HGSNAT: variants seen among roughly 807,000 people sequenced by gnomAD.
The protein encoded by HGSNAT is transmembrane protein 76.
HGSNAT carries 59 observed loss-of-function variants against 85.2 expected under a neutral mutation model. The ratio of observed to expected loss-of-function variants is 0.69; its 90% CI spans 0.56 to 0.86. The LOEUF is 0.86. Among genes scored for constraint, HGSNAT ranks in the 40% least tolerant of loss-of-function variants. HGSNAT has a pLI of 0.00. For synonymous variants in HGSNAT, 321 were observed against 304.5 expected (o/e 1.05, Z -0.56); for missense variants, 756 against 777.1 (o/e 0.97, Z 0.32).
At chr8:43,176,317 A>G (rs548327349) in intron 9 of HGSNAT, among the ~76,000 whole-genome samples, 1 of 152,202 alleles carries the variant, frequency 6.6e-6, no homozygotes, top group African/African-American at 2.4e-5. Flanking sequence ...CCTTTCTCCA[A>G]TGTGTGTTCT....
chr8:43,159,295 A>T (rs1213337827), intron 4 of HGSNAT, among the ~76,000 whole-genome samples: 2 of 152,172 alleles, frequency 1.3e-5, no homozygotes, highest in African/African-American at 2.4e-5. Context: ...GACATTAAAA[A>T]ATTATTTATT....
intron 9 of HGSNAT, 61 bp from the exon 10 acceptor site, chr8:43,178,013 T>A: frequency 2.3e-6 from 3 of 1,308,322 alleles, no homozygotes; most frequent in Non-Finnish European, 3.3e-6. Context: ...TATAAAATGT[T>A]ACTGATATAT....
At chr8:43,171,566 G>A (rs529447693) in intron 7 of HGSNAT, among the ~76,000 whole-genome samples, 2 of 152,176 alleles carry the variant, frequency 1.3e-5, no homozygotes, top group Admixed American at 1.3e-4. Context: ...GCCAGGGTTT[G>A]ATGGCAGGCA....
chr8:43,196,549 TCTC>T (rs775201892), intron 14 of HGSNAT: 24 of 1,279,038 alleles, frequency 1.9e-5, no homozygotes, highest in Admixed American at 1.1e-4. Context: ...AGGTGCCCCT[TCTC>T]CTCCTTTCCC....
intron 1 of HGSNAT, among the ~76,000 whole-genome samples, chr8:43,141,661 C>G (rs967509356): frequency 6.6e-6 from 1 of 151,936 alleles, no homozygotes; most frequent in African/African-American, 2.4e-5. Flanking sequence ...GGAGTTCAAA[C>G]GACCCCTCCT....
At chr8:43,149,625 G>A (rs925504633) in intron 2 of HGSNAT, among the ~76,000 whole-genome samples, 2 of 151,742 alleles carry the variant, frequency 1.3e-5, no homozygotes, top group African/African-American at 4.8e-5. Flanking sequence ...GCGTGAACCC[G>A]GGAGGCGGAG....
chr8:43,162,973 G>A (rs1767878586), intron 5 of HGSNAT, among the ~76,000 whole-genome samples: 1 of 152,066 alleles, frequency 6.6e-6, no homozygotes, highest in African/African-American at 2.4e-5. Context: ...ATCACTTGAG[G>A]TCAGGAGTTT....
In HGSNAT at chr8:43,199,440, C is replaced by T. The variant is rs374463372; in HGVS notation, c.1779C>T (p.Phe593=). ...GCCACGAGGTGTTTGAGAACTACTT[C>T]CCCTTTCAGTGGAAGCTGAAGGACA... is the stretch of plus-strand genomic sequence containing the variant. ...YVGHEVFENY[F]PFQWKLKDNQ... Residue 593 remains phenylalanine, a synonymous_variant, in exon 18 of 18, where the codon TTC becomes TTT. Coordinates refer to ENST00000379644, the MANE Select transcript of HGSNAT (RefSeq NM_152419.3). The T allele has an allele frequency of 3.0e-5, 49 of 1,610,676 alleles. No individual in the cohort carries two copies. The Admixed American group carries it at 3.5e-4, about 12-fold the overall frequency.
chr8:43,196,113 C>T, intron 14 of HGSNAT: 1 of 282,408 alleles, frequency 3.5e-6, no homozygotes, highest in South Asian at 3.3e-5. Context: ...CCAGCTCTGC[C>T]ACTTCCCAGC....
Position 43,200,182 on chromosome 8 carries a change from TA to T in HGSNAT, c.*614del, listed in dbSNP as rs1804872984. ...CTTTTCCTCTCTCGAAAAGTTAAAATATCTATGTGTTATTCCCAAACCCTCT... is the reference window on the plus strand; with the variant it reads ...CTTTTCCTCTCTCGAAAAGTTAAAATTCTATGTGTTATTCCCAAACCCTCT... On this transcript the variant is annotated 3_prime_UTR_variant, in exon 18 of 18. Coordinates refer to ENST00000379644, the MANE Select transcript of HGSNAT (RefSeq NM_152419.3). 2 of 152,228 alleles carry T rather than the reference TA, an allele frequency of 1.3e-5. No individual in the cohort carries two copies. The highest frequency in any genetic ancestry group is 6.5e-5 in the Admixed American group (1 of 15,286). 9.4% of individuals were successfully genotyped at this position (152,228 alleles called of 1,614,324 possible).
chr8:43,185,259 C>T (rs866691182), intron 11 of HGSNAT, among the ~76,000 whole-genome samples: 11 of 152,332 alleles, frequency 7.2e-5, no homozygotes, highest in Middle Eastern at 3.4e-3. Context: ...TTGATTCTTC[C>T]TATCCATAAG....
intron 2 of HGSNAT, among the ~76,000 whole-genome samples, chr8:43,151,364 A>G (rs1488981844): frequency 6.6e-6 from 1 of 152,180 alleles, no homozygotes; most frequent in Admixed American, 6.5e-5. Flanking sequence ...GAAGCTGGAA[A>G]AATAACGGAA....
chr8:43,194,292 G>T, intron 14 of HGSNAT: 1 of 631,906 alleles, frequency 1.6e-6, no homozygotes, highest in Non-Finnish European at 2.0e-6. Context: ...CCAGCTACTT[G>T]GGAGCTGAGG....
chr8:43,198,748 A>G (rs1445737308), intron 17 of HGSNAT, among the ~76,000 whole-genome samples: 1 of 152,216 alleles, frequency 6.6e-6, no homozygotes, highest in East Asian at 1.9e-4. Context: ...GATCATTTCA[A>G]TGCCTCATTT....
At chr8:43,141,197 G>A (rs904520789) in intron 1 of HGSNAT, among the ~76,000 whole-genome samples, 29 of 152,182 alleles carry the variant, frequency 1.9e-4, no homozygotes, top group African/African-American at 6.8e-4. Flanking sequence ...GAACCGCGGA[G>A]AAGGCGGTGG....
intron 5 of HGSNAT, among the ~76,000 whole-genome samples, chr8:43,164,392 G>A (rs1385941526): frequency 2.6e-5 from 4 of 151,010 alleles, no homozygotes; most frequent in Non-Finnish European, 4.4e-5. Context: ...TTTTTGAGAC[G>A]TGGTCTCATT....
chr8:43,144,176 T>C (rs541349587), intron 1 of HGSNAT, among the ~76,000 whole-genome samples: 2 of 151,530 alleles, frequency 1.3e-5, no homozygotes, highest in African/African-American at 4.8e-5. Context: ...CAAAAAAAAA[T>C]TAGCTGGATG....
chr8:43,166,759 A>G (rs889698488), intron 5 of HGSNAT, among the ~76,000 whole-genome samples: 19 of 152,208 alleles, frequency 1.2e-4, no homozygotes, highest in Admixed American at 6.5e-5. Flanking sequence ...CTTACTATTT[A>G]AAAAATAGGT....
chr8:43,195,481 A>T (rs1203930878), intron 14 of HGSNAT, among the ~76,000 whole-genome samples: 1 of 148,790 alleles, frequency 6.7e-6, no homozygotes, highest in East Asian at 2.0e-4. Flanking sequence ...TATGAGTAGT[A>T]GGAGGAGGAG....
Sources: gnomAD v4.1 joint callset for allele counts (sites outside exome capture counted in the v4.1 genomes callset) on GRCh38, gnomAD v4.1.1 for gene constraint, MANE v1.5 for transcripts, NCBI Gene and HGNC (gene_info 2026-07-23, HGNC 2026-07-21) for gene names.